The following CRB2 variants were observed in gnomAD, a reference collection of about 807,000 sequenced individuals.
The protein encoded by CRB2 is crumbs cell polarity complex component 2, also known as protein crumbs homolog 2.
Under a neutral mutation model 110.9 loss-of-function variants are expected in CRB2, and 85 were observed. That is an observed-to-expected ratio of 0.77 (90% confidence interval 0.64 to 0.92). The LOEUF (loss-of-function observed/expected upper bound fraction) is 0.92. CRB2 is among the 40% of genes least tolerant of loss of function. The probability of loss-of-function intolerance (pLI) is 0.00; values close to 1 mark genes in which losing one functional copy is unlikely to be tolerated. For synonymous variants in CRB2, 907 were observed against 831.0 expected (o/e 1.09, Z -1.57); for missense variants, 1,843 against 1,851.3 (o/e 1.00, Z 0.08).
intron 10 of CRB2, 80 bp from the exon 11 acceptor site, chr9:123,374,495 AGCTC>A: frequency 1.1e-6 from 1 of 927,140 alleles, no homozygotes; most frequent in Non-Finnish European, 1.7e-6. Flanking sequence ...TGAGAACACA[AGCTC>A]AGGTGGCCCA....
Position 123,373,701 on chromosome 9 carries a change from C to T in CRB2, c.3170C>T (p.Ala1057Val), listed in dbSNP as rs1269124016. 3.3e-6 allele frequency: 5 copies of T among 1,499,094 alleles called. No individual in the cohort carries two copies. The highest frequency in any genetic ancestry group is 5.6e-5 in the East Asian group (2 of 35,718). The allele number at this position is 1,499,094 out of a possible 1,614,324, so 92.9% of individuals were successfully genotyped here. A position where few individuals can be genotyped will look rare whatever the true frequency, so the allele number is the denominator to read the frequency against. The stretch of plus-strand genomic sequence containing the variant: ...GCCCCGATCCTCGGCTGCCGCGGCG[C>T]GCCCGTGTGTGCGCCCTCGCCCTGT... Reference protein sequence around the residue: ...TPAPILGCRGAPVCAPSPCLH... With the variant: ...TPAPILGCRGVPVCAPSPCLH... The change falls in exon 10 of 13, where the codon GCG becomes GTG. Residue 1057 changes from alanine to valine, a missense_variant. By Grantham distance (64) the Ala-to-Val change is moderately conservative. Transcript: ENST00000373631.
At chr9:123,359,554 TCCTCCCACCTCAG>T (rs1415944809) in intron 1 of CRB2, among the ~76,000 whole-genome samples, 8 of 146,294 alleles carry the variant, frequency 5.5e-5, no homozygotes, top group Non-Finnish European at 1.0e-4. Context: ...GCTCAAGCCA[TCCTCCCACCTCAG>T]CCTCCCAAGC....
At position 123,374,694 on chromosome 9, in the gene CRB2, A is replaced by G. The variant is rs537023777; in HGVS notation, c.3505A>G (p.Arg1169Gly). 12 of 1,605,986 alleles carry G rather than the reference A, an allele frequency of 7.5e-6. No homozygotes were observed. In the South Asian group the frequency reaches 1.3e-4, roughly 18 times the overall value. The part of the protein sequence containing the change: ...CSCLEGLAGQ[R>G]CQVPTLPCEA... The stretch of plus-strand genomic sequence containing the variant: ...CTGCCTGGAGGGTCTTGCTGGCCAG[A>G]GGTGGGTCTGGGGGCCTGGGAACTG... Residue 1169 changes from arginine to glycine, a missense_variant and splice_region_variant, in exon 11 of 13, where the codon AGG becomes GGG. Arg to Gly is a moderately radical substitution (Grantham distance 125). Coordinates refer to ENST00000373631, the MANE Select transcript of CRB2 (RefSeq NM_173689.7).
chr9:123,373,555 G>T lies in CRB2; in HGVS notation c.3024G>T (p.Glu1008Asp). 6.8e-7 allele frequency: 1 copy of T among 1,479,986 alleles called. No individual in the cohort carries two copies. Among genetic ancestry groups the T allele is most frequent in the Non-Finnish European group, 8.9e-7 (1 of 1,119,350 alleles). 91.7% of individuals were successfully genotyped at this position (1,479,986 alleles called of 1,614,324 possible). Residue 1008 changes from glutamate (E) to aspartate (D), a missense_variant, in exon 10 of 13, where the codon GAG becomes GAT. Glu to Asp is a conservative substitution (Grantham distance 45). Coordinates refer to ENST00000373631, the MANE Select transcript of CRB2 (RefSeq NM_173689.7). ...GPGAVRILLA[E>D]NFTGCLGRVA... Reference sequence around the variant, plus strand: ...GTGCTGTGCGCATCCTGCTGGCTGAGAACTTCACCGGCTGCTTGGGCCGCG... The same window carrying T: ...GTGCTGTGCGCATCCTGCTGGCTGATAACTTCACCGGCTGCTTGGGCCGCG...
At position 123,376,972 on chromosome 9, in the gene CRB2, C is replaced by T. The variant is rs780625573; in HGVS notation, c.3768C>T (p.Gly1256=). ...LAARKRRQSE[G]TYSPSQQEVA... ...CCCGAAAGCGCCGCCAGTCTGAGGG[C>T]ACCTACAGCCCAAGCCAGCAGGAGG... Residue 1256 remains glycine, a synonymous_variant, in exon 13 of 13, where the codon GGC becomes GGT. Transcript: ENST00000373631. The T allele has an allele frequency of 6.2e-7, 1 of 1,608,406 alleles. No homozygotes were observed. The highest frequency in any genetic ancestry group is 2.2e-5 in the East Asian group (1 of 44,698).
chr9:123,356,185 G>A (rs1044329840), upstream of CRB2: 1 of 1,021,686 alleles, frequency 9.8e-7, no homozygotes, highest in Non-Finnish European at 1.4e-6. Flanking sequence ...TGGTTGGAGG[G>A]ACGAGGGGGG....
rs2042115556 is a variant in CRB2 at position 123,377,147 on chromosome 9, G to A, written c.*85G>A. The A allele has an allele frequency of 8.0e-7, 1 of 1,255,392 alleles. No individual in the cohort carries two copies. The highest frequency in any genetic ancestry group is 1.1e-6 in the Non-Finnish European group (1 of 922,120). 77.8% of individuals were successfully genotyped at this position (1,255,392 alleles called of 1,614,324 possible). ...CAAGGAAGCTGCTTCCAGGGCTCGGGACATTGCTACGGAAGTGTCCCCTTG... is the reference window on the plus strand; with the variant it reads ...CAAGGAAGCTGCTTCCAGGGCTCGGAACATTGCTACGGAAGTGTCCCCTTG... On this transcript the variant is annotated 3_prime_UTR_variant, in exon 13 of 13. Coordinates refer to ENST00000373631, the MANE Select transcript of CRB2 (RefSeq NM_173689.7).
In CRB2 at chr9:123,367,197, G is replaced by T; in HGVS notation, c.780G>T (p.Val260=). 6.2e-7 allele frequency: 1 copy of T among 1,600,922 alleles called. No homozygotes were observed. Among genetic ancestry groups the T allele is most frequent in the Non-Finnish European group, 8.5e-7 (1 of 1,178,104 alleles). Residue 260 remains valine (V), a synonymous_variant, in exon 5 of 13, where the codon GTG becomes GTT. Transcript: ENST00000373631. Reference sequence around the variant, plus strand: ...GCTACAGCGGCGAGCTGTGCGAGGTGGACGAGGACGAGTGTGCATCGAGCC... The same window carrying T: ...GCTACAGCGGCGAGCTGTGCGAGGTTGACGAGGACGAGTGTGCATCGAGCC... ...WPGYSGELCE[V]DEDECASSPC... is the part of the protein sequence containing the mutation.
chr9:123,367,071 C>T (rs1164288870), intron 4 of CRB2, 101 bp from the exon 5 acceptor site: 12 of 1,277,044 alleles, frequency 9.4e-6, no homozygotes, highest in Middle Eastern at 1.9e-4. Context: ...TGGCTTATTC[C>T]GAGCTGCGGT....
At chr9:123,371,615 G>A in intron 8 of CRB2, 37 bp downstream of exon 8, 1 of 1,606,722 alleles carries the variant, frequency 6.2e-7, no homozygotes, top group Non-Finnish European at 8.5e-7. Context: ...GTGGGGTGGG[G>A]AGTCCTTTTC....
Position 123,373,714 on chromosome 9 carries a change from G to GCCCTCGCCCTGTCTGCA in CRB2, c.3185_3201dup (p.Asp1068ProfsTer79), listed in dbSNP as rs755876529. The GCCCTCGCCCTGTCTGCA allele has an allele frequency of 5.2e-6, 8 of 1,526,106 alleles. No individual in the cohort carries two copies. Among genetic ancestry groups the GCCCTCGCCCTGTCTGCA allele is most frequent in the Non-Finnish European group, 6.1e-6 (7 of 1,148,728 alleles). 94.5% of individuals were successfully genotyped at this position (1,526,106 alleles called of 1,614,324 possible). A position where few individuals can be genotyped will look rare whatever the true frequency, so the allele number is the denominator to read the frequency against. Reference sequence around the variant, plus strand: ...GCTGCCGCGGCGCGCCCGTGTGTGCGCCCTCGCCCTGTCTGCACGACGGTG... The same window carrying GCCCTCGCCCTGTCTGCA: ...GCTGCCGCGGCGCGCCCGTGTGTGCGCCCTCGCCCTGTCTGCACCCTCGCCCTGTCTGCACGACGGTG... On this transcript the variant is annotated frameshift_variant, in exon 10 of 13. Coordinates refer to ENST00000373631, the MANE Select transcript of CRB2 (RefSeq NM_173689.7). LOFTEE classifies it high-confidence loss of function.
intron 1 of CRB2, among the ~76,000 whole-genome samples, chr9:123,356,677 C>T (rs1374471274): frequency 6.6e-6 from 1 of 151,810 alleles, no homozygotes; most frequent in Admixed American, 6.6e-5. Flanking sequence ...TGTGTTGCAT[C>T]CTGTAAAGGG....
At position 123,371,069 on chromosome 9, in the gene CRB2, G is replaced by A. The variant is rs768899570; in HGVS notation, c.1928-1G>A. ...ACACCTGGCACCTTCTCTCCCTGCA[G>A]AGATTCCTGCTGCCACCTTTGGCTT... On this transcript the variant is annotated splice_acceptor_variant, in intron 7 of 12. Transcript: ENST00000373631. LOFTEE classifies it high-confidence loss of function. The A allele has an allele frequency of 3.1e-6, 5 of 1,611,306 alleles. No individual in the cohort carries two copies. Among genetic ancestry groups the A allele is most frequent in the Non-Finnish European group, 4.2e-6 (5 of 1,178,946 alleles).
intron 2 of CRB2, among the ~76,000 whole-genome samples, chr9:123,365,671 G>T (rs2041920259): frequency 6.6e-6 from 1 of 152,170 alleles, no homozygotes; most frequent in Non-Finnish European, 1.5e-5. Flanking sequence ...ATTACTGGCT[G>T]AATCACCCCC....
downstream of CRB2, chr9:123,379,856 C>T (rs1005990023): frequency 2.0e-5 from 3 of 152,368 alleles, no homozygotes; most frequent in African/African-American, 7.2e-5. Flanking sequence ...CGGATGGGGC[C>T]TGGGGGTCTG....
In CRB2 at chr9:123,367,325, G is replaced by C. The variant is rs1375274177; in HGVS notation, c.908G>C (p.Gly303Ala). 3.7e-6 allele frequency: 6 copies of C among 1,604,178 alleles called. No individual in the cohort carries two copies. The highest frequency in any genetic ancestry group is 8.5e-7 in the Non-Finnish European group (1 of 1,179,646). The change falls in exon 5 of 13, where the codon GGT becomes GCT. Residue 303 changes from glycine to alanine, a missense_variant. Gly to Ala is a moderately conservative substitution (Grantham distance 60). Coordinates refer to ENST00000373631, the MANE Select transcript of CRB2 (RefSeq NM_173689.7). ...GCCTTCAGCTTCCGCCATGCTGCGG[G>C]TTTCCTGTGCCACTGCCCTCCTGGC... Reference protein sequence around the residue: ...PGAFSFRHAAGFLCHCPPGFE... With the variant: ...PGAFSFRHAAAFLCHCPPGFE...
At position 123,364,682 on chromosome 9, in the gene CRB2, C is replaced by G. The variant is rs182270765; in HGVS notation, c.419-1235C>G. Among the ~76,000 whole-genome samples the G allele has an allele frequency of 2.4e-4, 37 of 152,238 alleles. 1 individual carries two copies. The East Asian group carries it at 4.1e-3, about 17-fold the overall frequency. On this transcript the variant is annotated intron_variant, in intron 2 of 12. Coordinates refer to ENST00000373631, the MANE Select transcript of CRB2 (RefSeq NM_173689.7). ...GCCTCTGGCCCCCGCTTGACCAAAC[C>G]CACTTAGGGGGCAGGGCCTGCTGGA...
At chr9:123,363,986 C>T (rs867566756) in intron 2 of CRB2, among the ~76,000 whole-genome samples, 1 of 151,772 alleles carries the variant, frequency 6.6e-6, no homozygotes, top group Admixed American at 6.6e-5. Context: ...CTGGATCCTA[C>T]TTCAATCCTG....
At position 123,371,568 on chromosome 9, in the gene CRB2, A is replaced by G. The variant is rs755917679; in HGVS notation, c.2426A>G (p.Asp809Gly). 6.2e-7 allele frequency: 1 copy of G among 1,612,758 alleles called. No individual in the cohort carries two copies. Among genetic ancestry groups the G allele is most frequent in the East Asian group, 2.2e-5 (1 of 44,874 alleles). ...WNLTAGCVSEDMCSPDPCFNG... is the reference protein window; with the variant it reads ...WNLTAGCVSEGMCSPDPCFNG... ...CTCACTGCGGGCTGCGTCTCCGAGG[A>G]CATGTGCAGTGTAAGTGTCTGGTGG... Residue 809 changes from aspartate to glycine, a missense_variant, in exon 8 of 13, where the codon GAC becomes GGC. Physicochemically the swap from Asp to Gly is moderately conservative, Grantham distance 94 (BLOSUM62 -1). Coordinates refer to ENST00000373631, the MANE Select transcript of CRB2 (RefSeq NM_173689.7).
Sources: gnomAD v4.1 joint callset for allele counts (sites outside exome capture counted in the v4.1 genomes callset) on GRCh38, gnomAD v4.1.1 for gene constraint, MANE v1.5 for transcripts, NCBI Gene and HGNC (gene_info 2026-07-23, HGNC 2026-07-21) for gene names.